The following GMDS variants were observed in gnomAD, a reference collection of about 807,000 sequenced individuals.
GMDS encodes GDP-mannose 4,6-dehydratase, also known as GDP-mannose 4,6 dehydratase.
Under a neutral mutation model 49.9 loss-of-function variants are expected in GMDS, and 20 were observed. That is an observed-to-expected ratio of 0.40 (90% CI 0.28 to 0.58). The LOEUF is 0.58. Among genes scored for constraint, GMDS ranks in the 20% least tolerant of loss-of-function variants. GMDS has a pLI of 0.42. For synonymous variants in GMDS, 177 were observed against 178.6 expected (o/e 0.99, Z 0.07); for missense variants, 362 against 481.4 (o/e 0.75, Z 2.32).
At chr6:2,028,529 C>G (rs1174646521) in intron 4 of GMDS, among the ~76,000 whole-genome samples, 2 of 152,154 alleles carry the variant, frequency 1.3e-5, no homozygotes, top group African/African-American at 4.8e-5. Flanking sequence ...TCGCTCAGGA[C>G]AAAAGGTCAT....
At chr6:1,896,634 G>C (rs1190200246) in intron 7 of GMDS, among the ~76,000 whole-genome samples, 1 of 152,140 alleles carries the variant, frequency 6.6e-6, no homozygotes, top group Non-Finnish European at 1.5e-5. Context: ...CGGGAGCAGA[G>C]TCAGATCATG....
chr6:2,068,668 T>A (rs1477934843), intron 4 of GMDS, among the ~76,000 whole-genome samples: 1 of 152,120 alleles, frequency 6.6e-6, no homozygotes, highest in Non-Finnish European at 1.5e-5. Flanking sequence ...CATTCACAAT[T>A]GCTTCAAAGA....
chr6:2,230,657 T>C (rs1781045600), intron 1 of GMDS, among the ~76,000 whole-genome samples: 1 of 152,118 alleles, frequency 6.6e-6, no homozygotes, highest in South Asian at 2.1e-4. Context: ...TAAATTTAAA[T>C]AATTTGAACT....
intron 7 of GMDS, among the ~76,000 whole-genome samples, chr6:1,809,829 C>T (rs936915693): frequency 5.3e-5 from 8 of 152,076 alleles, no homozygotes; most frequent in South Asian, 4.2e-4. Flanking sequence ...GCAACAACCA[C>T]GCATGGAATA....
At chr6:1,672,458 A>G (rs1169739179) in intron 9 of GMDS, among the ~76,000 whole-genome samples, 1 of 152,198 alleles carries the variant, frequency 6.6e-6, no homozygotes, top group Admixed American at 6.5e-5. Context: ...CTTCCAACAA[A>G]AGTCTCTGAA....
intron 7 of GMDS, among the ~76,000 whole-genome samples, chr6:1,850,651 G>A (rs1003277105): frequency 2.2e-4 from 33 of 152,162 alleles, no homozygotes; most frequent in African/African-American, 7.5e-4. Context: ...AGGGTCAAAC[G>A]AGGGCTAGGA....
rs1482234731 is a variant in GMDS, at chr6:1,766,462, C to T, written c.772-23876G>A. 6.6e-6 allele frequency among the ~76,000 whole-genome samples: 1 copy of T among 152,132 alleles called. No individual in the cohort carries two copies. Among genetic ancestry groups the T allele is most frequent in the Non-Finnish European group, 1.5e-5 (1 of 68,022 alleles). On this transcript the variant is annotated intron_variant, in intron 7 of 10. Coordinates refer to ENST00000380815, the MANE Select transcript of GMDS (RefSeq NM_001500.4). This position sits in a 1 kb window ranked among gnomAD's most constrained non-coding sequence, Gnocchi z 4.5. Reference sequence around the variant, plus strand: ...AGCATCTTGAGAATCCTAATGGGAACCAATGAAGAAATGAGTATCATATTT... The same window carrying T: ...AGCATCTTGAGAATCCTAATGGGAATCAATGAAGAAATGAGTATCATATTT...
chr6:2,212,721 A>C (rs970594653), intron 1 of GMDS, among the ~76,000 whole-genome samples: 1 of 151,632 alleles, frequency 6.6e-6, no homozygotes, highest in Non-Finnish European at 1.5e-5. Flanking sequence ...AAAAAAAAAA[A>C]AAAAAAAACT....
At chr6:1,993,402 T>C (rs577159018) in intron 4 of GMDS, among the ~76,000 whole-genome samples, 1 of 152,204 alleles carries the variant, frequency 6.6e-6, no homozygotes, top group African/African-American at 2.4e-5. Flanking sequence ...TTCTGACTTG[T>C]GGACTCCTGA....
At chr6:1,912,641 C>A (rs992695565) in intron 7 of GMDS, among the ~76,000 whole-genome samples, 1 of 152,078 alleles carries the variant, frequency 6.6e-6, no homozygotes, top group African/African-American at 2.4e-5. Flanking sequence ...TGGATCTCAA[C>A]TACCCGTGGG....
chr6:1,930,312 C>T lies in GMDS; in HGVS notation c.644-82G>A, dbSNP rs1006496685. ...TTGGTGAACCAAACCCGATTTCGGC[C>T]TCTGGGCATTTCTTTCATTCTACAC... On this transcript the variant is annotated intron_variant, in intron 6 of 10. Coordinates refer to ENST00000380815, the MANE Select transcript of GMDS (RefSeq NM_001500.4). 3.1e-5 allele frequency: 36 copies of T among 1,165,796 alleles called. No individual in the cohort carries two copies. The Admixed American group carries it at 7.0e-4, about 23-fold the overall frequency. 72.2% of individuals were successfully genotyped at this position (1,165,796 alleles called of 1,614,324 possible).
Position 2,015,781 on chromosome 6 carries a change from T to C in GMDS, c.346-54815A>G, listed in dbSNP as rs147683236. Among the ~76,000 whole-genome samples the C allele has an allele frequency of 3.7e-3, 558 of 152,338 alleles. 4 individuals are homozygous for C. The highest frequency in any genetic ancestry group is 8.0e-3 in the Admixed American group (122 of 15,292). ...CCCACAAATTTAATGCCTTTCCATCTTAACTGGACATTTATCATGCAATGT... is the reference window on the plus strand; with the variant it reads ...CCCACAAATTTAATGCCTTTCCATCCTAACTGGACATTTATCATGCAATGT... On this transcript the variant is annotated intron_variant, in intron 4 of 10. Transcript: ENST00000380815.
intron 7 of GMDS, among the ~76,000 whole-genome samples, chr6:1,799,653 G>A (rs1250389960): frequency 6.6e-6 from 1 of 152,150 alleles, no homozygotes; most frequent in East Asian, 1.9e-4. Flanking sequence ...ATTGGCTGAG[G>A]GGCTGGGGAG....
intron 7 of GMDS, among the ~76,000 whole-genome samples, chr6:1,811,831 C>T (rs1458719509): frequency 6.6e-6 from 1 of 152,108 alleles, no homozygotes; most frequent in Non-Finnish European, 1.5e-5. Flanking sequence ...GTACAATGTC[C>T]ACAGAATTCT....
chr6:1,961,409 C>A (rs549579944), intron 4 of GMDS, among the ~76,000 whole-genome samples: 1 of 152,112 alleles, frequency 6.6e-6, no homozygotes, highest in Non-Finnish European at 1.5e-5. Context: ...TAGAACACAG[C>A]TGAATTTAAA....
chr6:1,710,638 G>A (rs1028013721), intron 9 of GMDS, among the ~76,000 whole-genome samples: 12 of 152,206 alleles, frequency 7.9e-5, no homozygotes, highest in African/African-American at 2.9e-4. Flanking sequence ...TCCGAGGATG[G>A]GGTCAGGGAA....
chr6:1,813,613 G>C (rs1282926386), intron 7 of GMDS, among the ~76,000 whole-genome samples: 1 of 152,148 alleles, frequency 6.6e-6, no homozygotes, highest in Non-Finnish European at 1.5e-5. Context: ...AAAACAGAGA[G>C]AGCTCCAGAG....
At chr6:1,935,313 A>G (rs995677852) in intron 6 of GMDS, among the ~76,000 whole-genome samples, 21 of 152,184 alleles carry the variant, frequency 1.4e-4, no homozygotes, top group Non-Finnish European at 3.1e-4. Flanking sequence ...GGCATTTCTT[A>G]CAGAAATGTA....
In GMDS at chr6:2,108,561, C is replaced by T. The variant is rs185418722; in HGVS notation, c.345+7210G>A. Among the ~76,000 whole-genome samples the T allele has an allele frequency of 2.5e-3, 374 of 152,266 alleles. 1 individual carries two copies. The highest frequency in any genetic ancestry group is 8.7e-3 in the African/African-American group (363 of 41,550). ...GGGATCTTCTAGCTATTCAAATACTCTTTCATATGGTATTAATTAAAACCA... is the reference window on the plus strand; with the variant it reads ...GGGATCTTCTAGCTATTCAAATACTTTTTCATATGGTATTAATTAAAACCA... On this transcript the variant is annotated intron_variant, in intron 4 of 10. Transcript: ENST00000380815.
Sources: gnomAD v4.1 joint callset for allele counts (sites outside exome capture counted in the v4.1 genomes callset) on GRCh38, gnomAD v4.1.1 for gene constraint, Gnocchi (gnomAD v3.1) non-coding constraint, MANE v1.5 for transcripts, NCBI Gene and HGNC (gene_info 2026-07-23, HGNC 2026-07-21) for gene names.